Variants in SUMF1 observed in about 807,000 individuals in gnomAD.
The protein encoded by SUMF1 is formylglycine-generating enzyme.
In SUMF1, 48 loss-of-function variants were observed where a neutral mutation model predicts 47.6. That is an observed-to-expected ratio of 1.01 (90% CI 0.80 to 1.28). SUMF1 has a LOEUF of 1.28. Among genes scored for constraint, SUMF1 ranks in the 50% most tolerant of loss-of-function variants. SUMF1 has a pLI of 0.00. For synonymous variants in SUMF1, 230 were observed against 192.1 expected (o/e 1.20, Z -1.63); for missense variants, 571 against 485.4 (o/e 1.18, Z -1.66).
chr3:4,340,228 C>G (rs1699242844), intron 8 of SUMF1, among the ~76,000 whole-genome samples: 1 of 152,114 alleles, frequency 6.6e-6, no homozygotes, highest in African/African-American at 2.4e-5. Context: ...CCAGATGATG[C>G]TGATGCTGCT....
Position 4,322,171 on chromosome 3 carries a change from T to C in SUMF1, c.1014+54159A>G, listed in dbSNP as rs542405670. 2.6e-5 allele frequency among the ~76,000 whole-genome samples: 4 copies of C among 152,194 alleles called. No homozygotes were observed. In the East Asian group the frequency reaches 7.7e-4, roughly 29 times the overall value. Reference sequence around the variant, plus strand: ...GAAGACATGATATGTAACTGTAATGTGGTGTCCTGGATGAGATACTAGAAC... The same window carrying C: ...GAAGACATGATATGTAACTGTAATGCGGTGTCCTGGATGAGATACTAGAAC... On this transcript the variant is annotated intron_variant and NMD_transcript_variant, in intron 8 of 12. Coordinates refer to the SUMF1 transcript ENST00000448413.
intron 8 of SUMF1, among the ~76,000 whole-genome samples, chr3:4,279,352 CAT>C (rs1269021883): frequency 1.3e-5 from 2 of 152,062 alleles, no homozygotes; most frequent in Non-Finnish European, 2.9e-5. Flanking sequence ...TCTAAGAAGT[CAT>C]ATATGGGTTT....
At chr3:4,058,772 A>G (rs773444107) in intron 9 of SUMF1, among the ~76,000 whole-genome samples, 59 of 152,170 alleles carry the variant, frequency 3.9e-4, no homozygotes, top group Non-Finnish European at 4.3e-4. Context: ...TTTTCAATGA[A>G]TATGCAAAAA....
chr3:4,066,296 T>C (rs1459163409), intron 9 of SUMF1, among the ~76,000 whole-genome samples: 3 of 152,076 alleles, frequency 2.0e-5, no homozygotes, highest in Admixed American at 6.5e-5. Context: ...CACCAAAAGA[T>C]GGTTTTCATA....
chr3:4,039,162 AAATGGATCTAT>A (rs1396219518), intron 9 of SUMF1, among the ~76,000 whole-genome samples: 1 of 145,104 alleles, frequency 6.9e-6, no homozygotes, highest in Non-Finnish European at 1.5e-5. Context: ...CATATCCTAA[AAATGGATCTAT>A]AACTTCCTTC....
At chr3:4,274,968 T>C (rs1022145756) in intron 8 of SUMF1, among the ~76,000 whole-genome samples, 2 of 152,126 alleles carry the variant, frequency 1.3e-5, no homozygotes, top group Non-Finnish European at 2.9e-5. Context: ...ACAGGCCTGA[T>C]GAAGCCCTGA....
intron 7 of SUMF1, among the ~76,000 whole-genome samples, chr3:4,382,560 C>A (rs1426679940): frequency 1.3e-5 from 2 of 152,040 alleles, no homozygotes; most frequent in Admixed American, 6.5e-5. Flanking sequence ...CCCAGCAATC[C>A]CATTATTGGG....
At chr3:4,423,481 AC>A (rs1701973004) in intron 3 of SUMF1, among the ~76,000 whole-genome samples, 1 of 151,532 alleles carries the variant, frequency 6.6e-6, no homozygotes, top group African/African-American at 2.4e-5. Context: ...ATACTCTTCT[AC>A]TCTCCTTTTC....
At chr3:4,313,017 T>C in intron 8 of SUMF1, 1 of 1,613,862 alleles carries the variant, frequency 6.2e-7, no homozygotes, top group Non-Finnish European at 8.5e-7. Flanking sequence ...GTCTCCGCCA[T>C]GGAGAGAACT....
chr3:4,439,174 C>A (rs1478616578), intron 3 of SUMF1, among the ~76,000 whole-genome samples: 1 of 152,110 alleles, frequency 6.6e-6, no homozygotes, highest in Non-Finnish European at 1.5e-5. Flanking sequence ...GCAAAGAAGA[C>A]TCAACAATTT....
chr3:4,350,054 G>A (rs1051813178), intron 8 of SUMF1, among the ~76,000 whole-genome samples: 12 of 149,824 alleles, frequency 8.0e-5, no homozygotes, highest in South Asian at 2.1e-4. Context: ...AGGCTGGAGC[G>A]CAGTGGCACG....
At chr3:4,253,821 A>C (rs1696871742) in intron 8 of SUMF1, among the ~76,000 whole-genome samples, 1 of 148,156 alleles carries the variant, frequency 6.7e-6, no homozygotes. Context: ...GGCACAGACA[A>C]ACAAAAAGAC....
intron 8 of SUMF1, chr3:4,303,866 C>T (rs1698063340): frequency 1.5e-6 from 2 of 1,304,526 alleles, no homozygotes; most frequent in Non-Finnish European, 2.0e-6. Context: ...GTGTCTCTCA[C>T]AGGTAGGATA....
At chr3:4,412,454 A>G (rs1176816132) in intron 6 of SUMF1, among the ~76,000 whole-genome samples, 3 of 152,346 alleles carry the variant, frequency 2.0e-5, no homozygotes, top group Admixed American at 6.5e-5. Context: ...CCACAGGCAT[A>G]AACAACTTTT....
intron 8 of SUMF1, among the ~76,000 whole-genome samples, chr3:4,193,580 T>A (rs1012431994): frequency 6.6e-6 from 1 of 152,076 alleles, no homozygotes; most frequent in Non-Finnish European, 1.5e-5. Flanking sequence ...TACAGCATTA[T>A]GGTAATAAAA....
chr3:4,180,845 C>T lies in SUMF1; in HGVS notation c.1015-112100G>A, dbSNP rs570204420. ...TCCAGCCTTGGTGACAGAGTGAAAC[C>T]CTGTCTCAACAAAAAAATAAATAAA... On this transcript the variant is annotated intron_variant and NMD_transcript_variant, in intron 8 of 12. Coordinates refer to the SUMF1 transcript ENST00000448413. Among the ~76,000 whole-genome samples, 9 of 151,950 alleles carry T rather than the reference C, an allele frequency of 5.9e-5. 1 individual carries two copies. The highest frequency in any genetic ancestry group is 2.2e-4 in the African/African-American group (9 of 41,428).
At chr3:4,096,576 C>A (rs1345161073) in intron 8 of SUMF1, among the ~76,000 whole-genome samples, 4 of 152,036 alleles carry the variant, frequency 2.6e-5, no homozygotes, top group African/African-American at 7.3e-5. Flanking sequence ...CAGGTGAAAT[C>A]AATACTTAAG....
At position 4,197,303 on chromosome 3, in the gene SUMF1, C is replaced by G. The variant is rs147548880; in HGVS notation, c.1015-128558G>C. Among the ~76,000 whole-genome samples the G allele has an allele frequency of 1.0e-3, 154 of 152,202 alleles. 2 individuals are homozygous for G. The East Asian group carries it at 0.027, about 27-fold the overall frequency. ...CTAATTTTTGTATTTTTTGTACAGA[C>G]AATGTTTCACCGTGTTGCCCAGTAT... is the stretch of plus-strand genomic sequence containing the variant. On this transcript the variant is annotated intron_variant and NMD_transcript_variant, in intron 8 of 12. Transcript: ENST00000448413.
chr3:4,221,654 T>G (rs1266970232), intron 8 of SUMF1, among the ~76,000 whole-genome samples: 1 of 152,092 alleles, frequency 6.6e-6, no homozygotes, highest in Non-Finnish European at 1.5e-5. Context: ...GAATGCCAAT[T>G]ATGTGCCAGG....
Sources: gnomAD v4.1 joint callset for allele counts (sites outside exome capture counted in the v4.1 genomes callset) on GRCh38, gnomAD v4.1.1 for gene constraint, MANE v1.5 for transcripts, NCBI Gene and HGNC (gene_info 2026-07-23, HGNC 2026-07-21) for gene names.